XRN2: variants seen among roughly 807,000 people sequenced by gnomAD.
XRN2 encodes the protein DHM1-like protein.
XRN2 carries 44 observed loss-of-function variants against 138.5 expected under a neutral mutation model. The observed-to-expected ratio is 0.32, with a 90% CI of 0.25 to 0.41. The LOEUF (loss-of-function observed/expected upper bound fraction) is 0.41. Among genes scored for constraint, XRN2 ranks in the 10% least tolerant of loss-of-function variants. The pLI is 1.00. For missense variants in XRN2, 937 were observed against 1,169.3 expected (o/e 0.80, Z 2.90); for synonymous variants, 354 against 369.4 (o/e 0.96, Z 0.48).
At chr20:21,326,167 TGAAG>T (rs2038126070) in intron 1 of XRN2, 108 bp from the exon 2 acceptor site, 3 of 1,053,400 alleles carry the variant, frequency 2.8e-6, no homozygotes, top group Non-Finnish European at 4.1e-6. Flanking sequence ...AAAGGTTACT[TGAAG>T]TGTTTTATTT....
At chr20:21,371,861 C>T (rs1417267813) in intron 27 of XRN2, among the ~76,000 whole-genome samples, 2 of 152,300 alleles carry the variant, frequency 1.3e-5, no homozygotes, top group South Asian at 4.1e-4. Context: ...TATAGTTCTT[C>T]GTCTGCCTTC....
chr20:21,313,428 G>A (rs912375016), intron 1 of XRN2, among the ~76,000 whole-genome samples: 3 of 152,028 alleles, frequency 2.0e-5, no homozygotes, highest in Admixed American at 2.0e-4. Flanking sequence ...ATTAATTTTG[G>A]GGTTAAAAAT....
At position 21,354,972 on chromosome 20, in the gene XRN2, A is replaced by T. The variant is rs76335266; in HGVS notation, c.2020+100A>T. 1,600 of 872,120 alleles carry T rather than the reference A, an allele frequency of 1.8e-3. 31 individuals carry two copies. In the East Asian group the frequency reaches 0.046, roughly 25 times the overall value. The allele number at this position is 872,120 out of a possible 1,614,324, so 54.0% of individuals were successfully genotyped here. A position where few individuals can be genotyped will look rare whatever the true frequency, so the allele number is the denominator to read the frequency against. ...CCTTCTCCTGTTTGTCAGATTTCCC[A>T]TAAAGGGGATATAAATCATTGATTT... is the stretch of plus-strand genomic sequence containing the variant. On this transcript the variant is annotated intron_variant, in intron 21 of 29. Transcript: ENST00000377191.
chr20:21,364,604 C>G (rs1274858296), intron 24 of XRN2, among the ~76,000 whole-genome samples: 2 of 152,076 alleles, frequency 1.3e-5, no homozygotes, highest in African/African-American at 4.8e-5. Flanking sequence ...TCCAGGAGTT[C>G]AAGGCCATCC....
chr20:21,375,829 T>TTTTA (rs1555788112), intron 27 of XRN2, among the ~76,000 whole-genome samples: 2,475 of 135,952 alleles, frequency 0.018, 65 homozygotes, highest in African/African-American at 0.058. Context: ...TTTATTTATT[T>TTTTA]TTTATTTATT....
At chr20:21,388,341 T>C (rs1399440301) in intron 29 of XRN2, among the ~76,000 whole-genome samples, 1 of 152,254 alleles carries the variant, frequency 6.6e-6, no homozygotes, top group Non-Finnish European at 1.5e-5. Context: ...ACTTAGAAGA[T>C]ATAAACCAAT....
chr20:21,328,401 A>G (rs1282477883), intron 3 of XRN2, among the ~76,000 whole-genome samples, 158 bp from the exon 4 acceptor site: 1 of 152,234 alleles, frequency 6.6e-6, no homozygotes, highest in Non-Finnish European at 1.5e-5. Flanking sequence ...TTAAGTTCTC[A>G]GCATCTGGTA....
rs1346894162 is a variant in XRN2 at position 21,318,833 on chromosome 20, T to A, written c.76-7446T>A. On this transcript the variant is annotated intron_variant, in intron 1 of 29. Transcript: ENST00000377191. ...GAGTGTATACTTTGTATTATTTCTATGCTTTTACTTTTTTTGAGAGCATAT... is the reference window on the plus strand; with the variant it reads ...GAGTGTATACTTTGTATTATTTCTAAGCTTTTACTTTTTTTGAGAGCATAT... 2.6e-5 allele frequency among the ~76,000 whole-genome samples: 4 copies of A among 152,172 alleles called. No homozygotes were observed. In the East Asian group the frequency reaches 7.7e-4, roughly 29 times the overall value.
intron 1 of XRN2, among the ~76,000 whole-genome samples, chr20:21,321,973 A>G (rs2038052418): frequency 6.6e-6 from 1 of 152,168 alleles, no homozygotes; most frequent in African/African-American, 2.4e-5. Context: ...GTGAAATTAC[A>G]ATTAATTAGT....
chr20:21,304,829 C>G (rs542087276), intron 1 of XRN2, among the ~76,000 whole-genome samples: 6 of 152,332 alleles, frequency 3.9e-5, no homozygotes, highest in African/African-American at 9.6e-5. Flanking sequence ...AGCTTTTCTT[C>G]CCTTTCACCT....
At chr20:21,326,469 A>G (rs2296728) in intron 2 of XRN2, 21 bp from the exon 3 acceptor site, 1,066,610 of 1,613,432 alleles carry the variant, frequency 0.66, 354,540 homozygotes, top group South Asian at 0.77. Context: ...ATTATATTAC[A>G]TTGTTTGGTT....
chr20:21,312,254 A>C (rs2037891508), intron 1 of XRN2, among the ~76,000 whole-genome samples: 1 of 151,868 alleles, frequency 6.6e-6, no homozygotes, highest in Non-Finnish European at 1.5e-5. Flanking sequence ...CTGGGACTAC[A>C]GGCGCCTGCC....
At chr20:21,348,714 G>T (rs2038469317) in intron 19 of XRN2, among the ~76,000 whole-genome samples, 1 of 152,060 alleles carries the variant, frequency 6.6e-6, no homozygotes, top group Admixed American at 6.6e-5. Flanking sequence ...GGCACCATCG[G>T]CTCACTACAA....
chr20:21,325,096 G>A (rs2038105926), intron 1 of XRN2, among the ~76,000 whole-genome samples: 1 of 152,126 alleles, frequency 6.6e-6, no homozygotes, highest in African/African-American at 2.4e-5. Flanking sequence ...CTTCATGACT[G>A]GCTTCTTTCA....
intron 27 of XRN2, among the ~76,000 whole-genome samples, chr20:21,377,331 C>G (rs1168143368): frequency 7.6e-6 from 1 of 131,614 alleles, no homozygotes; most frequent in Admixed American, 9.0e-5. Context: ...AATCTCAGCT[C>G]GCTATACCTC....
intron 27 of XRN2, among the ~76,000 whole-genome samples, chr20:21,378,900 C>G (rs1265994436): frequency 6.6e-6 from 1 of 152,172 alleles, no homozygotes; most frequent in Non-Finnish European, 1.5e-5. Flanking sequence ...GAGTAATTGT[C>G]TGAGTACTGA....
chr20:21,348,397 A>C lies in XRN2; in HGVS notation c.1830A>C (p.Leu610=), dbSNP rs975265512. The C allele has an allele frequency of 1.9e-6, 3 of 1,613,922 alleles. No homozygotes were observed. Among genetic ancestry groups the C allele is most frequent in the African/African-American group, 1.3e-5 (1 of 74,890 alleles). Reference sequence around the variant, plus strand: ...TTCCAGCTGCAAGTGGTAATTTTCTACCTCCATCATGGCGGAAGCTCATGA... The same window carrying C: ...TTCCAGCTGCAAGTGGTAATTTTCTCCCTCCATCATGGCGGAAGCTCATGA... ...GVFPAASGNF[L]PPSWRKLMSD... is the part of the protein sequence containing the mutation. The change falls in exon 19 of 30, where the codon CTA becomes CTC. Residue 610 remains leucine, a synonymous_variant. Coordinates refer to ENST00000377191, the MANE Select transcript of XRN2 (RefSeq NM_012255.5).
chr20:21,381,219 C>T (rs932566414), intron 27 of XRN2, among the ~76,000 whole-genome samples: 1 of 152,140 alleles, frequency 6.6e-6, no homozygotes, highest in African/African-American at 2.4e-5. Context: ...GGTTACTGTC[C>T]TCACATGGTG....
intron 1 of XRN2, among the ~76,000 whole-genome samples, chr20:21,319,586 A>G (rs13045568): frequency 0.015 from 2,319 of 152,082 alleles, 23 homozygotes; most frequent in South Asian, 0.033. Context: ...TATTTTTTCA[A>G]AGTCATTGTT....
Sources: gnomAD v4.1 joint callset for allele counts (sites outside exome capture counted in the v4.1 genomes callset) on GRCh38, gnomAD v4.1.1 for gene constraint, MANE v1.5 for transcripts, NCBI Gene and HGNC (gene_info 2026-07-23, HGNC 2026-07-21) for gene names.